CTNNA2: variants seen among roughly 807,000 people sequenced by gnomAD.
The protein encoded by CTNNA2 is catenin alpha-2.
CTNNA2 carries 42 observed loss-of-function variants against 101.0 expected under a neutral mutation model. The ratio of observed to expected loss-of-function variants is 0.42; its 90% CI spans 0.32 to 0.54. CTNNA2 has a LOEUF of 0.54. Among genes scored for constraint, CTNNA2 ranks in the 20% least tolerant of loss-of-function variants. The pLI is 0.14. For synonymous variants in CTNNA2, 450 were observed against 456.4 expected (o/e 0.99, Z 0.18); for missense variants, 871 against 1,223.1 (o/e 0.71, Z 4.29).
At chr2:79,415,112 G>A (rs1225110487) in intron 4 of CTNNA2, among the ~76,000 whole-genome samples, 6 of 152,116 alleles carry the variant, frequency 3.9e-5, no homozygotes, top group Admixed American at 2.6e-4. Context: ...TGGAAATGGG[G>A]CCTAATGGGA....
intron 12 of CTNNA2, chr2:80,573,359 A>G (rs1336046343): frequency 6.6e-6 from 1 of 152,178 alleles, no homozygotes; most frequent in Non-Finnish European, 1.5e-5. Context: ...ACGAAGTGTC[A>G]GCATTTTAGA....
chr2:80,123,985 T>A (rs2148882916), intron 7 of CTNNA2, among the ~76,000 whole-genome samples: 1 of 152,224 alleles, frequency 6.6e-6, no homozygotes, highest in East Asian at 1.9e-4. Flanking sequence ...GGGGCTGTGA[T>A]CCTCCTGTAC....
At chr2:80,146,492 C>T (rs1223697509) in intron 7 of CTNNA2, among the ~76,000 whole-genome samples, 1 of 151,998 alleles carries the variant, frequency 6.6e-6, no homozygotes, top group Non-Finnish European at 1.5e-5. Flanking sequence ...TTTAGCTTCT[C>T]CATCCATTTT....
intron 7 of CTNNA2, among the ~76,000 whole-genome samples, chr2:79,911,734 C>T (rs937852234): frequency 1.3e-4 from 20 of 152,202 alleles, no homozygotes; most frequent in African/African-American, 4.1e-4. Context: ...AAGTTCTATT[C>T]ACATTGAACC....
chr2:80,297,995 ATGTG>A (rs377223222), intron 7 of CTNNA2, among the ~76,000 whole-genome samples: 5 of 150,776 alleles, frequency 3.3e-5, no homozygotes, highest in East Asian at 1.9e-4. Context: ...GTGGTTATAT[ATGTG>A]TGTGTGTGTG....
chr2:80,385,552 T>A (rs1676918593), intron 7 of CTNNA2, among the ~76,000 whole-genome samples: 1 of 152,220 alleles, frequency 6.6e-6, no homozygotes, highest in Non-Finnish European at 1.5e-5. Context: ...AAATGAATTA[T>A]TAATAAAAGA....
At chr2:80,626,458 C>A (rs994992565) in intron 18 of CTNNA2, among the ~76,000 whole-genome samples, 1 of 152,100 alleles carries the variant, frequency 6.6e-6, no homozygotes, top group African/African-American at 2.4e-5. Context: ...CTGGAAACTT[C>A]CACCCCTCTG....
At chr2:79,423,707 T>C (rs936554658) in intron 4 of CTNNA2, among the ~76,000 whole-genome samples, 1 of 152,212 alleles carries the variant, frequency 6.6e-6, no homozygotes, top group African/African-American at 2.4e-5. Flanking sequence ...TAGCACGGCT[T>C]GTGGCAAAAG....
intron 7 of CTNNA2, among the ~76,000 whole-genome samples, chr2:80,358,273 G>A (rs927248654): frequency 1.3e-5 from 2 of 151,690 alleles, no homozygotes; most frequent in African/African-American, 4.8e-5. Flanking sequence ...AGAGTGTCTG[G>A]CATGTAATAG....
At chr2:80,417,492 T>C (rs930650828) in intron 8 of CTNNA2, among the ~76,000 whole-genome samples, 5 of 151,888 alleles carry the variant, frequency 3.3e-5, no homozygotes, top group African/African-American at 1.2e-4. Flanking sequence ...GGTTTTTAAG[T>C]TCTTTAAAAA....
chr2:79,351,289 G>A (rs1167273892), intron 3 of CTNNA2, among the ~76,000 whole-genome samples: 6 of 152,172 alleles, frequency 3.9e-5, no homozygotes, highest in African/African-American at 1.2e-4. Context: ...TCAAGCTATA[G>A]TTACATATAA....
intron 2 of CTNNA2, among the ~76,000 whole-genome samples, chr2:79,201,094 C>T (rs559624290): frequency 7.2e-5 from 11 of 152,178 alleles, no homozygotes; most frequent in African/African-American, 2.4e-4. Flanking sequence ...ATTTCCCCCC[C>T]CCTTTTTTTG....
At chr2:79,939,979 C>A (rs757989242) in intron 7 of CTNNA2, among the ~76,000 whole-genome samples, 13 of 152,064 alleles carry the variant, frequency 8.5e-5, no homozygotes, top group Non-Finnish European at 1.8e-4. Context: ...GCAGTCTCAG[C>A]TACTTGGGAG....
At chr2:79,843,452 C>T (rs750173079) in intron 3 of CTNNA2, among the ~76,000 whole-genome samples, 26 of 152,288 alleles carry the variant, frequency 1.7e-4, no homozygotes, top group East Asian at 1.9e-4. Context: ...TGGTGGCCTC[C>T]GTGAGGGCAT....
intron 4 of CTNNA2, among the ~76,000 whole-genome samples, chr2:79,398,890 A>G (rs889692115): frequency 2.0e-5 from 3 of 152,028 alleles, no homozygotes; most frequent in Non-Finnish European, 4.4e-5. Context: ...TATAAAAACA[A>G]TAAGCTTTGT....
chr2:80,342,623 T>C (rs1182580951), intron 7 of CTNNA2, among the ~76,000 whole-genome samples: 1 of 152,234 alleles, frequency 6.6e-6, no homozygotes, highest in Non-Finnish European at 1.5e-5. Flanking sequence ...AATAATCAAC[T>C]GCCACCTAAT....
intron 2 of CTNNA2, among the ~76,000 whole-genome samples, chr2:79,262,291 G>A (rs1674932869): frequency 6.6e-6 from 1 of 152,126 alleles, no homozygotes; most frequent in Non-Finnish European, 1.5e-5. Context: ...AAACCCTTTA[G>A]AAAGGATTTC....
intron 7 of CTNNA2, among the ~76,000 whole-genome samples, chr2:79,999,234 C>T (rs1250569577): frequency 1.3e-5 from 2 of 152,104 alleles, no homozygotes; most frequent in East Asian, 3.9e-4. Flanking sequence ...TTCTCCATAC[C>T]ATCCTGGTGC....
intron 1 of CTNNA2, chr2:79,195,690 C>T (rs1572973276): frequency 2.5e-6 from 1 of 395,578 alleles, no homozygotes; most frequent in South Asian, 1.9e-5. Flanking sequence ...ACATTTATCC[C>T]TTCCATCCAC....
Sources: gnomAD v4.1 joint callset for allele counts (sites outside exome capture counted in the v4.1 genomes callset) on GRCh38, gnomAD v4.1.1 for gene constraint, MANE v1.5 for transcripts, NCBI Gene and HGNC (gene_info 2026-07-23, HGNC 2026-07-21) for gene names.